Variants in GRID2 observed in about 807,000 individuals in gnomAD.
GRID2 encodes the protein glutamate receptor ionotropic, delta-2.
GRID2 carries 33 observed loss-of-function variants against 114.8 expected under a neutral mutation model. The observed-to-expected ratio is 0.29, with a 90% CI of 0.22 to 0.38. The LOEUF (loss-of-function observed/expected upper bound fraction) is 0.38. Among genes scored for constraint, GRID2 ranks in the 10% least tolerant of loss-of-function variants. The probability of loss-of-function intolerance (pLI) is 1.00; values close to 1 mark genes in which losing one functional copy is unlikely to be tolerated. For missense variants in GRID2, 1,184 were observed against 1,257.7 expected (o/e 0.94, Z 0.89); for synonymous variants, 505 against 449.9 (o/e 1.12, Z -1.55).
Position 92,779,012 on chromosome 4 carries a change from C to T in GRID2, c.244+188726C>T, listed in dbSNP as rs539168674. Among the ~76,000 whole-genome samples, 371 of 152,110 alleles carry T rather than the reference C, an allele frequency of 2.4e-3. 2 individuals are homozygous for T. The highest frequency in any genetic ancestry group is 8.7e-3 in the African/African-American group (361 of 41,514). ...TTATTCCTAAAAAATCATTTCAGTTCATTCACTGGAAATTTTCATTCTATC... is the reference window on the plus strand; with the variant it reads ...TTATTCCTAAAAAATCATTTCAGTTTATTCACTGGAAATTTTCATTCTATC... On this transcript the variant is annotated intron_variant, in intron 2 of 15. Transcript: ENST00000282020.
chr4:93,001,226 TAAA>T (rs965147182), intron 2 of GRID2, among the ~76,000 whole-genome samples: 10 of 151,790 alleles, frequency 6.6e-5, no homozygotes, highest in South Asian at 4.1e-4. Context: ...ATAATTTATT[TAAA>T]AAATAAAAAT....
intron 1 of GRID2, among the ~76,000 whole-genome samples, chr4:92,376,019 G>A (rs760348631): frequency 1.3e-5 from 2 of 151,934 alleles, no homozygotes; most frequent in African/African-American, 2.4e-5. Context: ...CTCCATAAAA[G>A]AATTTTTTTC....
chr4:93,609,168 T>G (rs1325082847), intron 13 of GRID2, among the ~76,000 whole-genome samples: 3 of 109,758 alleles, frequency 2.7e-5, no homozygotes, highest in African/African-American at 1.1e-4. Flanking sequence ...TGTTTGTTTT[T>G]TTCTTGTAAA....
chr4:93,411,755 G>A (rs1560592612), intron 9 of GRID2, among the ~76,000 whole-genome samples: 1 of 151,910 alleles, frequency 6.6e-6, no homozygotes, highest in Non-Finnish European at 1.5e-5. Context: ...TTTAACAGAT[G>A]TGATCAGTAG....
At chr4:92,964,562 T>C (rs563067876) in intron 2 of GRID2, among the ~76,000 whole-genome samples, 1 of 151,906 alleles carries the variant, frequency 6.6e-6, no homozygotes, top group Non-Finnish European at 1.5e-5. Flanking sequence ...AAAATAAAAA[T>C]CTGTTGTTTA....
At chr4:93,751,284 G>C (rs1732296413) in intron 14 of GRID2, among the ~76,000 whole-genome samples, 1 of 152,132 alleles carries the variant, frequency 6.6e-6, no homozygotes, top group African/African-American at 2.4e-5. Context: ...AATAACAACA[G>C]ATCTATCCAT....
chr4:92,571,169 T>A (rs1384669458), intron 1 of GRID2, among the ~76,000 whole-genome samples: 4 of 152,134 alleles, frequency 2.6e-5, no homozygotes, highest in Non-Finnish European at 5.9e-5. Context: ...GATGTTGAAT[T>A]TTATGGAAGG....
intron 2 of GRID2, among the ~76,000 whole-genome samples, chr4:92,741,186 G>A (rs1736878633): frequency 6.6e-6 from 1 of 152,084 alleles, no homozygotes; most frequent in African/African-American, 2.4e-5. Context: ...AATTTCCGGT[G>A]CCTCAGTTCC....
chr4:93,329,719 C>A (rs560648753), intron 8 of GRID2, among the ~76,000 whole-genome samples: 1 of 152,186 alleles, frequency 6.6e-6, no homozygotes, highest in Non-Finnish European at 1.5e-5. Flanking sequence ...TTAAGTGCAA[C>A]TGTTAAATAT....
chr4:93,148,115 T>A (rs2149393864), intron 4 of GRID2, among the ~76,000 whole-genome samples: 1 of 152,340 alleles, frequency 6.6e-6, no homozygotes. Flanking sequence ...CCATGATGTG[T>A]GGCATACCAG....
At chr4:92,560,907 C>A (rs1453940657) in intron 1 of GRID2, among the ~76,000 whole-genome samples, 1 of 152,058 alleles carries the variant, frequency 6.6e-6, no homozygotes, top group African/African-American at 2.4e-5. Flanking sequence ...AGGGTTTCAC[C>A]ATGTTGGTCA....
chr4:93,384,013 A>C (rs147420183), intron 8 of GRID2, among the ~76,000 whole-genome samples: 1 of 152,270 alleles, frequency 6.6e-6, no homozygotes, highest in Non-Finnish European at 1.5e-5. Context: ...GTAGTAATTT[A>C]TTTCTCAGAG....
At chr4:92,438,934 C>G (rs964628571) in intron 1 of GRID2, among the ~76,000 whole-genome samples, 3 of 152,108 alleles carry the variant, frequency 2.0e-5, no homozygotes, top group Non-Finnish European at 2.9e-5. Flanking sequence ...GCCTTCTCTC[C>G]AACACTGGTG....
intron 2 of GRID2, among the ~76,000 whole-genome samples, chr4:92,701,390 AATG>A (rs1734669247): frequency 6.6e-6 from 1 of 152,140 alleles, no homozygotes; most frequent in Non-Finnish European, 1.5e-5. Flanking sequence ...GTTTAAGCAA[AATG>A]ATGCTAATAT....
At position 93,356,223 on chromosome 4, in the gene GRID2, C is replaced by T. The variant is rs76601518; in HGVS notation, c.1246-39384C>T. On this transcript the variant is annotated intron_variant, in intron 8 of 15. Coordinates refer to ENST00000282020, the MANE Select transcript of GRID2 (RefSeq NM_001510.4). ...CTACTTCTTGCCATCACAAATTTTACATTTTTAATTTTGTCCCTCTGCCAT... is the reference window on the plus strand; with the variant it reads ...CTACTTCTTGCCATCACAAATTTTATATTTTTAATTTTGTCCCTCTGCCAT... Among the ~76,000 whole-genome samples, 1,473 of 152,140 alleles carry T rather than the reference C, an allele frequency of 9.7e-3. 20 individuals carry two copies. Among genetic ancestry groups the T allele is most frequent in the African/African-American group, 0.034 (1,418 of 41,548 alleles).
intron 2 of GRID2, among the ~76,000 whole-genome samples, chr4:93,037,241 A>G (rs1725015091): frequency 6.6e-6 from 1 of 152,188 alleles, no homozygotes; most frequent in South Asian, 2.1e-4. Context: ...TGTTTTAAAA[A>G]TGTTGAGCTA....
chr4:92,738,831 A>C (rs2149329799), intron 2 of GRID2, among the ~76,000 whole-genome samples: 1 of 152,178 alleles, frequency 6.6e-6, no homozygotes, highest in South Asian at 2.1e-4. Context: ...CTTAAAAATT[A>C]ATTTTTAATA....
At chr4:92,730,046 T>C (rs889032430) in intron 2 of GRID2, among the ~76,000 whole-genome samples, 2 of 152,014 alleles carry the variant, frequency 1.3e-5, no homozygotes, top group Non-Finnish European at 2.9e-5. Flanking sequence ...AGATATTTCT[T>C]AGCTCTTGTA....
intron 1 of GRID2, among the ~76,000 whole-genome samples, chr4:92,401,609 C>A (rs1486407760): frequency 6.6e-6 from 1 of 152,144 alleles, no homozygotes; most frequent in African/African-American, 2.4e-5. Flanking sequence ...TGTATGTCTA[C>A]AATATACTGT....
Sources: gnomAD v4.1 joint callset for allele counts (sites outside exome capture counted in the v4.1 genomes callset) on GRCh38, gnomAD v4.1.1 for gene constraint, MANE v1.5 for transcripts, NCBI Gene and HGNC (gene_info 2026-07-23, HGNC 2026-07-21) for gene names.